Variants in FAAH2 observed in about 807,000 individuals in gnomAD.
FAAH2 encodes the protein fatty-acid amide hydrolase 2.
Under a neutral mutation model 36.9 loss-of-function variants are expected in FAAH2, and 60 were observed. The observed-to-expected ratio is 1.63, with a 90% CI of 1.32 to 2.02. FAAH2 has a LOEUF of 2.02. Among genes scored for constraint, FAAH2 ranks in the 30% most tolerant of loss-of-function variants. The pLI, the probability that FAAH2 is intolerant of heterozygous loss-of-function variation, is 0.00. For missense variants in FAAH2, 689 were observed against 397.5 expected (o/e 1.73, Z -6.23); for synonymous variants, 214 against 143.8 (o/e 1.49, Z -3.49).
chrX:57,185,108 T>C, the FAAH2 span, among the ~76,000 whole-genome samples: 100 of 111,426 alleles, frequency 9.0e-4, no homozygotes, highest in African/African-American at 3.0e-3. Flanking sequence ...TTTAGTCATC[T>C]TTAAATGTAC....
At chrX:57,239,810 T>G in the FAAH2 span, among the ~76,000 whole-genome samples, 3 of 111,888 alleles carry the variant, frequency 2.7e-5, no homozygotes, top group Non-Finnish European at 5.6e-5. Context: ...TTGCTCATCT[T>G]AGTCTGTCTT....
the FAAH2 span, among the ~76,000 whole-genome samples, chrX:57,183,893 G>A: frequency 0.34 from 36,637 of 109,247 alleles, 5,109 homozygotes; most frequent in Middle Eastern, 0.61. Flanking sequence ...AGGAGATATC[G>A]CTAAATTTTT....
intron 7 of FAAH2, among the ~76,000 whole-genome samples, chrX:57,386,686 T>G (rs1367900466): frequency 3.6e-5 from 4 of 111,889 alleles, no homozygotes; most frequent in Non-Finnish European, 7.5e-5. Context: ...CCCTTCCCTT[T>G]ACGGTATTAA....
the FAAH2 span, among the ~76,000 whole-genome samples, chrX:57,246,883 C>T: frequency 1.4e-4 from 16 of 111,435 alleles, no homozygotes; most frequent in Non-Finnish European, 1.1e-4. Context: ...AGCTGCAGTG[C>T]AAAGTGACAT....
chrX:57,397,498 G>T (rs1470149235), intron 7 of FAAH2, among the ~76,000 whole-genome samples: 1 of 111,168 alleles, frequency 9.0e-6, no homozygotes, highest in African/African-American at 3.3e-5. Context: ...GCTTATCTGG[G>T]AAGTACTTTA....
intron 5 of FAAH2, among the ~76,000 whole-genome samples, chrX:57,369,320 T>C (rs2054495016): frequency 9.0e-6 from 1 of 111,224 alleles, no homozygotes; most frequent in Non-Finnish European, 1.9e-5. Flanking sequence ...TTTAACAAAA[T>C]AGTAGCTGAA....
Position 57,312,547 on chromosome X carries a change from G to A in FAAH2, c.412+1818G>A, listed in dbSNP as rs146038635. 4.7e-3 allele frequency among the ~76,000 whole-genome samples: 517 copies of A among 110,495 alleles called. 3 individuals carry two copies. Among genetic ancestry groups the A allele is most frequent in the African/African-American group, 0.016 (490 of 30,403 alleles). On this transcript the variant is annotated intron_variant, in intron 3 of 10. Transcript: ENST00000374900. ...AAAAAAAAATTAGCTGGGCATGGTG[G>A]CGGGCATCTGTAGTCCCAGCTACTT...
In FAAH2 at chrX:57,463,222, G is replaced by A. The variant is rs770575008; in HGVS notation, c.1423+14504G>A. Among the ~76,000 whole-genome samples the A allele has an allele frequency of 2.7e-5, 3 of 111,325 alleles. No homozygotes were observed. The South Asian group carries it at 1.1e-3, about 42-fold the overall frequency. ...TAGGAAGAATCAATATCATGAAAATGGCCATACCACCCAAAGTAATTTATA... is the reference window on the plus strand; with the variant it reads ...TAGGAAGAATCAATATCATGAAAATAGCCATACCACCCAAAGTAATTTATA... On this transcript the variant is annotated intron_variant, in intron 10 of 10. Transcript: ENST00000374900.
At chrX:57,156,653 A>G in the FAAH2 span, among the ~76,000 whole-genome samples, 1 of 112,246 alleles carries the variant, frequency 8.9e-6, no homozygotes, top group Non-Finnish European at 1.9e-5. Context: ...TCCTAGATAC[A>G]CAGCCTTTGT....
chrX:57,218,042 A>C, the FAAH2 span, among the ~76,000 whole-genome samples: 1 of 111,906 alleles, frequency 8.9e-6, no homozygotes, highest in Non-Finnish European at 1.9e-5. Flanking sequence ...TGTGTACATT[A>C]ATCTTGTATC....
At chrX:57,241,377 A>G in the FAAH2 span, among the ~76,000 whole-genome samples, 1 of 111,984 alleles carries the variant, frequency 8.9e-6, no homozygotes. Flanking sequence ...AAGGAAAATA[A>G]ATTTTGCAAT....
the FAAH2 span, among the ~76,000 whole-genome samples, chrX:57,212,247 A>G: frequency 8.9e-6 from 1 of 112,216 alleles, no homozygotes; most frequent in Non-Finnish European, 1.9e-5. Flanking sequence ...AAACAAAAAA[A>G]GTAGTGACTG....
chrX:57,270,780 G>A, the FAAH2 span, among the ~76,000 whole-genome samples: 3 of 111,476 alleles, frequency 2.7e-5, no homozygotes, highest in Admixed American at 2.9e-4. Context: ...GTCTAAGCCT[G>A]AGGAACTCCA....
chrX:57,377,809 T>C (rs1357606013), intron 5 of FAAH2, among the ~76,000 whole-genome samples: 1 of 112,355 alleles, frequency 8.9e-6, no homozygotes, highest in East Asian at 2.8e-4. Flanking sequence ...TTGTGTCCTC[T>C]CTTATTTCCT....
At chrX:57,306,868 CTA>C (rs1189669794) in intron 2 of FAAH2, among the ~76,000 whole-genome samples, 3 of 89,779 alleles carry the variant, frequency 3.3e-5, no homozygotes, top group Admixed American at 1.3e-4. Context: ...TATATACACA[CTA>C]TATATACACT....
intron 8 of FAAH2, among the ~76,000 whole-genome samples, chrX:57,437,432 T>A (rs1016588029): frequency 2.2e-4 from 24 of 109,993 alleles, no homozygotes; most frequent in Admixed American, 9.9e-5. Context: ...AAAGAGGAAG[T>A]GAAATTTTTT....
In FAAH2 at chrX:57,431,922, T is replaced by G. The variant is rs1245946425; in HGVS notation, c.1001T>G (p.Val334Gly). The G allele has an allele frequency of 2.5e-6, 3 of 1,197,608 alleles. No homozygotes were observed. The highest frequency in any genetic ancestry group is 3.4e-6 in the Non-Finnish European group (3 of 887,093). Residue 334 changes from valine (V) to glycine (G), a missense_variant, in exon 8 of 11, where the codon GTG (valine) becomes GGG (glycine). Transcript: ENST00000374900. ...TTTATATCTTTCTTTTATAAGGTTG[T>G]GGTTCACCTTGAAACTATTCTAGGA... ...QDLIMTQKKV[V>G]VHLETILGAS...
chrX:57,447,128 G>A (rs2056691289), intron 9 of FAAH2, 89 bp downstream of exon 9: 2 of 621,715 alleles, frequency 3.2e-6, no homozygotes, highest in Non-Finnish European at 4.8e-6. Context: ...AAGGCCCCAT[G>A]CAAGTCCAAA....
chrX:57,479,230 A>G (rs2057331831), intron 10 of FAAH2, among the ~76,000 whole-genome samples: 1 of 111,046 alleles, frequency 9.0e-6, no homozygotes, highest in African/African-American at 3.3e-5. Flanking sequence ...ATTCTTAGGT[A>G]TTTTATTCTC....
Sources: allele counts gnomAD v4.1 joint callset (sites outside exome capture counted in the v4.1 genomes callset), GRCh38; gene constraint gnomAD v4.1.1; transcripts MANE v1.5; gene names NCBI Gene and HGNC (gene_info 2026-07-23, HGNC 2026-07-21).